The following CTSO variants were observed in gnomAD, a reference collection of about 807,000 sequenced individuals.
CTSO encodes the protein cathepsin O.
CTSO carries 40 observed loss-of-function variants against 42.4 expected under a neutral mutation model. That is an observed-to-expected ratio of 0.94 (90% CI 0.73 to 1.23). The LOEUF is 1.23. CTSO is among the 50% of genes most tolerant of loss of function. The pLI, the probability that CTSO is intolerant of heterozygous loss-of-function variation, is 0.00. For missense variants in CTSO, 441 were observed against 396.0 expected (o/e 1.11, Z -0.96); for synonymous variants, 156 against 146.2 (o/e 1.07, Z -0.48).
At chr4:155,939,773 G>A (rs1331865888) in intron 3 of CTSO, among the ~76,000 whole-genome samples, 1 of 152,088 alleles carries the variant, frequency 6.6e-6, no homozygotes, top group Non-Finnish European at 1.5e-5. Flanking sequence ...TCTAAATTTG[G>A]CAATGCAAGA....
rs1366992070 is a variant in CTSO, at chr4:155,953,813, A to C, written c.35T>G (p.Leu12Arg). 4.6e-6 allele frequency: 6 copies of C among 1,316,378 alleles called. No homozygotes were observed. The highest frequency in any genetic ancestry group is 5.8e-6 in the Non-Finnish European group (6 of 1,033,700). The allele number at this position is 1,316,378 out of a possible 1,614,324, so 81.5% of individuals were successfully genotyped here. Residue 12 changes from leucine to arginine, a missense_variant, in exon 1 of 8, where the codon CTG (leucine) becomes CGG (arginine). Leu to Arg is a moderately radical substitution (Grantham distance 102, BLOSUM62 -2). Coordinates refer to ENST00000433477, the MANE Select transcript of CTSO (RefSeq NM_001334.3). ...DVRALPWLPW[L>R]LWLLCRGGGD... ...GCCGCCCCGGCACAGCAGCCACAGCAGCCACGGCAGCCACGGCAGCGCCCG... is the reference window on the plus strand; with the variant it reads ...GCCGCCCCGGCACAGCAGCCACAGCCGCCACGGCAGCCACGGCAGCGCCCG...
chr4:155,940,487 C>T (rs900159391), intron 3 of CTSO, among the ~76,000 whole-genome samples: 2 of 152,080 alleles, frequency 1.3e-5, no homozygotes, highest in Non-Finnish European at 2.9e-5. Flanking sequence ...GGTTATATCT[C>T]TATCTCTAGT....
chr4:155,953,725 G>C lies in CTSO; in HGVS notation c.123C>G (p.Ala41=). 7.9e-7 allele frequency: 1 copy of C among 1,270,996 alleles called. No individual in the cohort carries two copies. Among genetic ancestry groups the C allele is most frequent in the South Asian group, 2.8e-5 (1 of 35,874 alleles). 78.7% of individuals were successfully genotyped at this position (1,270,996 alleles called of 1,614,324 possible). A position where few individuals can be genotyped will look rare whatever the true frequency, so the allele number is the denominator to read the frequency against. Residue 41 remains alanine, a synonymous_variant, in exon 1 of 8, where the codon GCC becomes GCG. Transcript: ENST00000433477. The part of the protein sequence containing the change: ...PTWPRSRERE[A]AAFRESLNRH... ...GCGCGCTCGGTACCCGGAAGGCGGCGGCTTCACGCTCGCGGCTCCGCGGCC... is the reference window on the plus strand; with the variant it reads ...GCGCGCTCGGTACCCGGAAGGCGGCCGCTTCACGCTCGCGGCTCCGCGGCC...
rs1214512392 is a variant in CTSO at position 155,925,043 on chromosome 4, C to T, written c.*993G>A. 3.9e-5 allele frequency: 6 copies of T among 151,924 alleles called. No homozygotes were observed. Among genetic ancestry groups the T allele is most frequent in the Non-Finnish European group, 7.4e-5 (5 of 68,022 alleles). The allele number at this position is 151,924 out of a possible 1,614,324, so 9.4% of individuals were successfully genotyped here. Reference sequence around the variant, plus strand: ...AGATGGGACTTTGATAGGAGTGGTGCTTATGAATTAAGGGAGGAAGAAAGA... The same window carrying T: ...AGATGGGACTTTGATAGGAGTGGTGTTTATGAATTAAGGGAGGAAGAAAGA... On this transcript the variant is annotated 3_prime_UTR_variant, in exon 8 of 8. Coordinates refer to ENST00000433477, the MANE Select transcript of CTSO (RefSeq NM_001334.3).
At chr4:155,951,139 G>A (rs189366001) in intron 1 of CTSO, among the ~76,000 whole-genome samples, 21 of 151,996 alleles carry the variant, frequency 1.4e-4, no homozygotes, top group East Asian at 5.8e-4. Flanking sequence ...GTGTCATTAC[G>A]GCAACTGGTC....
chr4:155,940,775 G>A (rs1185824268), intron 3 of CTSO, among the ~76,000 whole-genome samples: 2 of 151,890 alleles, frequency 1.3e-5, no homozygotes, highest in African/African-American at 2.4e-5. Flanking sequence ...CCTGGGAGGT[G>A]GAGGTTGCAG....
chr4:155,946,124 A>G (rs1743542043), intron 1 of CTSO, among the ~76,000 whole-genome samples: 1 of 152,060 alleles, frequency 6.6e-6, no homozygotes, highest in African/African-American at 2.4e-5. Context: ...TGAGCCACAT[A>G]CTCTATTTAG....
chr4:155,939,197 C>A (rs545294498), intron 4 of CTSO, among the ~76,000 whole-genome samples, 174 bp downstream of exon 4: 1 of 152,208 alleles, frequency 6.6e-6, no homozygotes, highest in Admixed American at 6.5e-5. Context: ...ACTGCTTTGC[C>A]TAGAAGTGAT....
chr4:155,926,127 G>A (rs879204610), intron 7 of CTSO, 57 bp from the exon 8 acceptor site: 3 of 1,294,206 alleles, frequency 2.3e-6, no homozygotes, highest in South Asian at 2.7e-5. Flanking sequence ...TTTTGAAATT[G>A]TAAATTAAAG....
In CTSO at chr4:155,942,312, C is replaced by T. The variant is rs376651987; in HGVS notation, c.384+5G>A. ...GATTAGAAAAGAAGAGGGATTTCAA[C>T]GTACCATCTGCTGGTTTCTCACTTG... On this transcript the variant is annotated splice_donor_5th_base_variant and intron_variant, in intron 3 of 7. Coordinates refer to ENST00000433477, the MANE Select transcript of CTSO (RefSeq NM_001334.3). 33 of 1,555,272 alleles carry T rather than the reference C, an allele frequency of 2.1e-5. No individual in the cohort carries two copies. Among genetic ancestry groups the T allele is most frequent in the Middle Eastern group, 1.7e-4 (1 of 5,882 alleles).
intron 6 of CTSO, 132 bp downstream of exon 6, chr4:155,929,410 T>C: frequency 1.2e-6 from 1 of 848,322 alleles, no homozygotes; most frequent in Non-Finnish European, 1.8e-6. Flanking sequence ...TATAAGATTG[T>C]TGAGAAGTTG....
chr4:155,934,425 C>T (rs1038831407), intron 5 of CTSO, among the ~76,000 whole-genome samples: 2 of 152,164 alleles, frequency 1.3e-5, no homozygotes, highest in Admixed American at 6.5e-5. Flanking sequence ...ACACAGAGTC[C>T]CACAGGAGCT....
At position 155,938,468 on chromosome 4, in the gene CTSO, C is replaced by T. The variant is rs543436065; in HGVS notation, c.552+903G>A. ...TTGGCAAATTTCATGCAGTTGATATCGGATCTGGGACACTGTCAGGGCAAG... is the reference window on the plus strand; with the variant it reads ...TTGGCAAATTTCATGCAGTTGATATTGGATCTGGGACACTGTCAGGGCAAG... On this transcript the variant is annotated intron_variant, in intron 4 of 7. Coordinates refer to ENST00000433477, the MANE Select transcript of CTSO (RefSeq NM_001334.3). Among the ~76,000 whole-genome samples, 252 of 152,226 alleles carry T rather than the reference C, an allele frequency of 1.7e-3. 1 individual carries two copies. Among genetic ancestry groups the T allele is most frequent in the African/African-American group, 5.8e-3 (241 of 41,548 alleles).
In CTSO at chr4:155,928,401, T is replaced by C. The variant is rs1181646417; in HGVS notation, c.866A>G (p.Asn289Ser). Residue 289 changes from asparagine (N) to serine (S), a missense_variant, in exon 7 of 8, where the codon AAT becomes AGT. Transcript: ENST00000433477. The stretch of plus-strand genomic sequence containing the variant: ...TACTCCCCAAGAACTTCCCCAGGAA[T>C]TCCGCACAATCCAATATGGAGTGCT... ...TGSTPYWIVR[N>S]SWGSSWGVDG... The C allele has an allele frequency of 1.9e-6, 3 of 1,613,190 alleles. No individual in the cohort carries two copies. In the East Asian group the frequency reaches 6.7e-5, roughly 36 times the overall value.
intron 1 of CTSO, among the ~76,000 whole-genome samples, chr4:155,944,197 A>C (rs1228591196): frequency 6.6e-6 from 1 of 152,228 alleles, no homozygotes; most frequent in South Asian, 2.1e-4. Flanking sequence ...ATAAATAGAT[A>C]AGTGACATTT....
rs1008149993 is a variant in CTSO at position 155,924,300 on chromosome 4, A to C, written c.*1736T>G. ...AATACAAACTAGACAAGCAGGACAT[A>C]GTTCTTTTCTGGCATTCCAGGATAA... On this transcript the variant is annotated 3_prime_UTR_variant, in exon 8 of 8. Coordinates refer to ENST00000433477, the MANE Select transcript of CTSO (RefSeq NM_001334.3). The C allele has an allele frequency of 6.6e-6, 1 of 152,224 alleles. No homozygotes were observed. Among genetic ancestry groups the C allele is most frequent in the Non-Finnish European group, 1.5e-5 (1 of 68,038 alleles). The allele number at this position is 152,224 out of a possible 1,614,324, so 9.4% of individuals were successfully genotyped here. A position where few individuals can be genotyped will look rare whatever the true frequency, so the allele number is the denominator to read the frequency against.
Position 155,925,935 on chromosome 4 carries a change from A to G in CTSO, c.*101T>C. The G allele has an allele frequency of 2.1e-6, 2 of 949,364 alleles. No individual in the cohort carries two copies. The highest frequency in any genetic ancestry group is 3.0e-5 in the South Asian group (2 of 67,386). The allele number at this position is 949,364 out of a possible 1,614,324, so 58.8% of individuals were successfully genotyped here. On this transcript the variant is annotated 3_prime_UTR_variant, in exon 8 of 8. Transcript: ENST00000433477. ...CTAGGCCTTAGAATCTTTTGTAGGT[A>G]GTTGCTGAAACTTGAAGTTGAATAA...
intron 1 of CTSO, among the ~76,000 whole-genome samples, chr4:155,949,707 T>G (rs187970660): frequency 3.6e-4 from 55 of 152,300 alleles, no homozygotes; most frequent in Admixed American, 1.4e-3. Flanking sequence ...AAGCTGAGGA[T>G]GAGCAAAAAA....
At chr4:155,952,963 T>C (rs1395392316) in intron 1 of CTSO, among the ~76,000 whole-genome samples, 1 of 152,140 alleles carries the variant, frequency 6.6e-6, no homozygotes, top group Non-Finnish European at 1.5e-5. Flanking sequence ...CGGCATCCCT[T>C]GCAGTTTCCT....
Sources: allele counts gnomAD v4.1 joint callset (sites outside exome capture counted in the v4.1 genomes callset), GRCh38; gene constraint gnomAD v4.1.1; transcripts MANE v1.5; gene names NCBI Gene and HGNC (gene_info 2026-07-23, HGNC 2026-07-21).